The following PRDM11 variants were observed in gnomAD, a reference collection of about 807,000 sequenced individuals.
PRDM11 encodes the protein PR domain-containing protein 11.
In PRDM11, 20 loss-of-function variants were observed where a neutral mutation model predicts 97.8. The ratio of observed to expected loss-of-function variants is 0.20; its 90% CI spans 0.14 to 0.30. The LOEUF is 0.30. Ranked by LOEUF, PRDM11 falls within the 10% of genes least tolerant of loss-of-function variation. The probability of loss-of-function intolerance (pLI) is 1.00; values close to 1 mark genes in which losing one functional copy is unlikely to be tolerated. For missense variants in PRDM11, 1,139 were observed against 1,555.2 expected, an observed-to-expected ratio of 0.73 and a Z score of 4.50; for synonymous variants, 599 against 637.7, an observed-to-expected ratio of 0.94 and a Z score of 0.91.
rs1334999560 is a variant in PRDM11, at chr11:45,146,816, A to AGCCGCCCGCCGGGCCGCTCTC, written c.-59_-39dup. On this transcript the variant is annotated 5_prime_UTR_variant, in exon 1 of 8. Transcript: ENST00000683152. ...AGCCGAGGCCGCGCCGCCTCCGCCG[A>AGCCGCCCGCCGGGCCGCTCTC]GCCGCCCGCCGGGCCGCTCTCGCCG... 0.011 allele frequency: 1,649 copies of AGCCGCCCGCCGGGCCGCTCTC among 145,614 alleles called. 14 individuals are homozygous for AGCCGCCCGCCGGGCCGCTCTC. Among genetic ancestry groups the AGCCGCCCGCCGGGCCGCTCTC allele is most frequent in the Admixed American group, 0.019 (276 of 14,676 alleles). 9.0% of individuals were successfully genotyped at this position (145,614 alleles called of 1,614,324 possible).
rs1854370337 is a variant in PRDM11, at chr11:45,230,066, G to A, written c.*1907G>A. 1 of 151,404 alleles carries A rather than the reference G, an allele frequency of 6.6e-6. No individual in the cohort carries two copies. Among genetic ancestry groups the A allele is most frequent in the Non-Finnish European group, 1.5e-5 (1 of 67,914 alleles). 9.4% of individuals were successfully genotyped at this position (151,404 alleles called of 1,614,324 possible). A position where few individuals can be genotyped will look rare whatever the true frequency, so the allele number is the denominator to read the frequency against. On this transcript the variant is annotated 3_prime_UTR_variant, in exon 8 of 8. Coordinates refer to ENST00000683152, the MANE Select transcript of PRDM11 (RefSeq NM_001384648.1). ...CCTTCCCCTTCACCTCCATGGTCTT[G>A]GTGCTAAGATAACTTTAGAATCATT...
At chr11:45,124,166 G>C (rs1455675791) in intron 1 of PRDM11, among the ~76,000 whole-genome samples, 1 of 150,752 alleles carries the variant, frequency 6.6e-6, no homozygotes, top group Non-Finnish European at 1.5e-5. Context: ...TGGTGTATAA[G>C]AATGCTTGTG....
chr11:45,197,967 A>T (rs577270902), intron 4 of PRDM11, among the ~76,000 whole-genome samples: 2 of 152,316 alleles, frequency 1.3e-5, no homozygotes, highest in Non-Finnish European at 2.9e-5. Context: ...ACATGTATAC[A>T]TATGTAACAA....
intron 1 of PRDM11, among the ~76,000 whole-genome samples, chr11:45,179,138 G>A (rs1041250126): frequency 6.6e-6 from 1 of 152,112 alleles, no homozygotes; most frequent in Admixed American, 6.5e-5. Flanking sequence ...GCTTGTGGAG[G>A]GCAGAGGGGC....
At chr11:45,211,243 CT>C (rs1218331560) in intron 5 of PRDM11, among the ~76,000 whole-genome samples, 3 of 152,184 alleles carry the variant, frequency 2.0e-5, no homozygotes. Context: ...AGACACAGGA[CT>C]CTTACCAAGC....
At chr11:45,107,377 T>C (rs1238162853) in intron 1 of PRDM11, among the ~76,000 whole-genome samples, 1 of 152,204 alleles carries the variant, frequency 6.6e-6, no homozygotes, top group Admixed American at 6.5e-5. Flanking sequence ...AGGGGCAAGT[T>C]CTAAATCAGT....
intron 1 of PRDM11, chr11:45,096,047 T>C (rs1412444380): frequency 1.5e-6 from 1 of 665,858 alleles, no homozygotes; most frequent in East Asian, 2.8e-5. Flanking sequence ...GTCCTTTCTG[T>C]CTAACATTAC....
chr11:45,157,618 T>A (rs1176524213), intron 1 of PRDM11, among the ~76,000 whole-genome samples: 1 of 152,186 alleles, frequency 6.6e-6, no homozygotes, highest in East Asian at 1.9e-4. Context: ...GATTGTGTCT[T>A]GTGGAGTAGG....
chr11:45,224,917 T>C (rs1854234122), intron 7 of PRDM11, 74 bp downstream of exon 7: 3 of 1,599,034 alleles, frequency 1.9e-6, no homozygotes, highest in Admixed American at 3.3e-5. Flanking sequence ...AGCCTAAAGC[T>C]CTCTGTGGAA....
chr11:45,226,681 C>G lies in PRDM11; in HGVS notation c.2056C>G (p.Pro686Ala). 1 of 1,533,970 alleles carries G rather than the reference C, an allele frequency of 6.5e-7. No homozygotes were observed. Among genetic ancestry groups the G allele is most frequent in the Non-Finnish European group, 8.7e-7 (1 of 1,146,732 alleles). ...TGTTCAGTACACCAGCAGTGATGGGCCCCCGGCCACAGAGTTCCTGTCCCT... is the reference window on the plus strand; with the variant it reads ...TGTTCAGTACACCAGCAGTGATGGGGCCCCGGCCACAGAGTTCCTGTCCCT... ...VYVQYTSSDG[P>A]PATEFLSLQE... is the part of the protein sequence containing the mutation. Residue 686 changes from proline to alanine, a missense_variant, in exon 8 of 8, where the codon CCC becomes GCC. Transcript: ENST00000683152.
At chr11:45,162,382 A>G (rs149592368) in intron 1 of PRDM11, among the ~76,000 whole-genome samples, 1 of 151,852 alleles carries the variant, frequency 6.6e-6, no homozygotes, top group Non-Finnish European at 1.5e-5. Flanking sequence ...GAGAGGCCCA[A>G]AGGGCCTCTC....
At chr11:45,119,041 G>A (rs1852364272) in intron 1 of PRDM11, among the ~76,000 whole-genome samples, 1 of 152,152 alleles carries the variant, frequency 6.6e-6, no homozygotes, top group South Asian at 2.1e-4. Flanking sequence ...CAGCTGCAAT[G>A]ATTTATAACC....
At chr11:45,152,757 G>A (rs1269250658) in intron 1 of PRDM11, among the ~76,000 whole-genome samples, 2 of 152,192 alleles carry the variant, frequency 1.3e-5, no homozygotes, top group East Asian at 3.8e-4. Context: ...AGCATCACTT[G>A]CCCACAGTTT....
chr11:45,145,469 C>A (rs540633056), upstream of PRDM11, among the ~76,000 whole-genome samples: 2 of 152,216 alleles, frequency 1.3e-5, no homozygotes, highest in African/African-American at 4.8e-5. Context: ...AAGGTTGACA[C>A]GGAACTCCTT....
chr11:45,124,422 G>A (rs1852517279), intron 1 of PRDM11, among the ~76,000 whole-genome samples: 1 of 152,020 alleles, frequency 6.6e-6, no homozygotes, highest in African/African-American at 2.4e-5. Flanking sequence ...TCTTGTGCCA[G>A]TTTTCAAAGG....
rs577095170 is a variant in PRDM11 at position 45,194,765 on chromosome 11, A to G, written c.487-9946A>G. On this transcript the variant is annotated intron_variant, in intron 4 of 7. Coordinates refer to ENST00000683152, the MANE Select transcript of PRDM11 (RefSeq NM_001384648.1). ...AGGCGCCCGCCACTACGCCCGGCTA[A>G]TTTTTTGTATTTTTAGTAGAGACGG... Among the ~76,000 whole-genome samples, 285 of 149,734 alleles carry G rather than the reference A, an allele frequency of 1.9e-3. 1 individual carries two copies. The highest frequency in any genetic ancestry group is 6.1e-3 in the African/African-American group (249 of 40,734).
chr11:45,195,774 G>A (rs1437132819), intron 4 of PRDM11, among the ~76,000 whole-genome samples: 1 of 151,542 alleles, frequency 6.6e-6, no homozygotes, highest in South Asian at 2.1e-4. Context: ...ATGAGGTTTT[G>A]CATGTTGGCC....
chr11:45,193,220 G>A (rs531854398), intron 4 of PRDM11, among the ~76,000 whole-genome samples: 1 of 152,328 alleles, frequency 6.6e-6, no homozygotes, highest in East Asian at 1.9e-4. Flanking sequence ...GCGATCACAG[G>A]AGTGTGCCAT....
At chr11:45,165,357 A>G (rs560531120) in intron 1 of PRDM11, among the ~76,000 whole-genome samples, 38 of 152,310 alleles carry the variant, frequency 2.5e-4, no homozygotes, top group South Asian at 2.5e-3. Flanking sequence ...GGTGCCAGCA[A>G]CCGTTCTGGG....
Sources: gnomAD v4.1 joint callset for allele counts (sites outside exome capture counted in the v4.1 genomes callset) on GRCh38, gnomAD v4.1.1 for gene constraint, MANE v1.5 for transcripts, NCBI Gene and HGNC (gene_info 2026-07-23, HGNC 2026-07-21) for gene names.